The following SPATA4 variants were observed in gnomAD, a reference collection of about 807,000 sequenced individuals.
SPATA4 encodes the protein spermatogenesis-associated protein 4.
In SPATA4, 35 loss-of-function variants were observed where a neutral mutation model predicts 31.8. The observed-to-expected ratio is 1.10, with a 90% CI of 0.84 to 1.46. The LOEUF (loss-of-function observed/expected upper bound fraction) is 1.46, where lower values mean the gene tolerates loss of function less well. SPATA4 is among the 40% of genes most tolerant of loss of function. SPATA4 has a pLI of 0.00. For missense variants in SPATA4, 394 were observed against 363.1 expected (o/e 1.09, Z -0.69); for synonymous variants, 126 against 132.4 (o/e 0.95, Z 0.33).
intron 4 of SPATA4, among the ~76,000 whole-genome samples, chr4:176,190,528 C>T (rs1416853859): frequency 2.0e-5 from 3 of 152,198 alleles, no homozygotes; most frequent in Non-Finnish European, 4.4e-5. Context: ...GGCAGGGCTG[C>T]ATTCCTTTCT....
At chr4:176,185,639 TTACTC>T (rs1337116769) in intron 5 of SPATA4, among the ~76,000 whole-genome samples, 1 of 152,156 alleles carries the variant, frequency 6.6e-6, no homozygotes. Context: ...CCTGAACTAT[TTACTC>T]TACTCTCTTA....
chr4:176,185,265 G>C (rs188829575), intron 5 of SPATA4, among the ~76,000 whole-genome samples: 1 of 152,170 alleles, frequency 6.6e-6, no homozygotes, highest in Admixed American at 6.5e-5. Flanking sequence ...AGTTTATGGA[G>C]CTCTGATTAC....
chr4:176,189,190 AC>A (rs1752489962), intron 4 of SPATA4, among the ~76,000 whole-genome samples: 1 of 152,220 alleles, frequency 6.6e-6, no homozygotes, highest in Non-Finnish European at 1.5e-5. Flanking sequence ...ACTGGACAGA[AC>A]TGAAATGCTA....
chr4:176,188,032 T>A, intron 5 of SPATA4, 87 bp downstream of exon 5: 1 of 948,624 alleles, frequency 1.1e-6, no homozygotes, highest in Non-Finnish European at 1.7e-6. Flanking sequence ...ACCAACATTT[T>A]AACTATTTAA....
intron 1 of SPATA4, chr4:176,194,713 C>A (rs976229189): frequency 6.8e-6 from 1 of 148,068 alleles, no homozygotes; most frequent in African/African-American, 2.5e-5. Flanking sequence ...TAAACTGATC[C>A]TTACCAGTAT....
intron 5 of SPATA4, among the ~76,000 whole-genome samples, chr4:176,186,004 G>A (rs1752436017): frequency 6.6e-6 from 1 of 152,044 alleles, no homozygotes; most frequent in South Asian, 2.1e-4. Flanking sequence ...GTTATTTATG[G>A]CCACTTATAC....
At chr4:176,187,300 T>C (rs1219535168) in intron 5 of SPATA4, among the ~76,000 whole-genome samples, 1 of 152,074 alleles carries the variant, frequency 6.6e-6, no homozygotes, top group African/African-American at 2.4e-5. Context: ...ATAGCATTTT[T>C]ATGTGTCAGG....
chr4:176,195,288 G>T, intron 1 of SPATA4, 57 bp downstream of exon 1: 1 of 1,577,520 alleles, frequency 6.3e-7, no homozygotes, highest in Non-Finnish European at 8.7e-7. Flanking sequence ...CCTGGCAGGC[G>T]GCGGAAAGCA....
intron 1 of SPATA4, 52 bp from the exon 2 acceptor site, chr4:176,193,634 T>C (rs1752568656): frequency 6.7e-7 from 1 of 1,490,988 alleles, no homozygotes; most frequent in South Asian, 1.3e-5. Context: ...TTATGCAGTT[T>C]GTATTATTTT....
At position 176,193,560 on chromosome 4, in the gene SPATA4, T is replaced by C; in HGVS notation, c.241A>G (p.Ile81Val). 6.2e-7 allele frequency: 1 copy of C among 1,609,362 alleles called. No homozygotes were observed. The highest frequency in any genetic ancestry group is 2.2e-5 in the East Asian group (1 of 44,822). ...TAATATATACAGAATATTTCTGCAA[T>C]TAGGAAGCCATTTGAAAAATCTCTG... ...INRDFSNGFL[I>V]AEIFCIYYPW... The change falls in exon 2 of 6, where the codon ATT becomes GTT. Residue 81 changes from isoleucine (I) to valine (V), a missense_variant. Physicochemically the swap from Ile to Val is conservative, Grantham distance 29. Coordinates refer to ENST00000280191, the MANE Select transcript of SPATA4 (RefSeq NM_144644.4).
rs6832177 is a variant in SPATA4 at position 176,192,685 on chromosome 4, C to T, written c.630G>A (p.Ala210=). 0.35 allele frequency: 557,031 copies of T among 1,613,458 alleles called. 97,570 individuals carry two copies. Among genetic ancestry groups the T allele is most frequent in the Admixed American group, 0.36 (21,537 of 59,986 alleles). Reference sequence around the variant, plus strand: ...ACATATGTAAAAGGATGAGGAACTCCGCTTTAAGTTCATTGGTCAGCATGT... The same window carrying T: ...ACATATGTAAAAGGATGAGGAACTCTGCTTTAAGTTCATTGGTCAGCATGT... ...NPNMLTNELK[A]EFLILLHMLQ... Residue 210 remains alanine (A), a synonymous_variant, in exon 4 of 6, where the codon GCG becomes GCA. Coordinates refer to ENST00000280191, the MANE Select transcript of SPATA4 (RefSeq NM_144644.4).
chr4:176,191,210 T>C (rs1383150127), intron 4 of SPATA4, among the ~76,000 whole-genome samples: 5 of 151,810 alleles, frequency 3.3e-5, no homozygotes, highest in African/African-American at 9.7e-5. Context: ...ATTCTCCTGC[T>C]TCAGCCTCCC....
chr4:176,190,032 G>A (rs1046704707), intron 4 of SPATA4, among the ~76,000 whole-genome samples: 5 of 152,036 alleles, frequency 3.3e-5, no homozygotes, highest in South Asian at 4.2e-4. Flanking sequence ...TGCGTGCACC[G>A]GTAATTAGAA....
At chr4:176,185,388 A>T (rs1752425336) in intron 5 of SPATA4, among the ~76,000 whole-genome samples, 1 of 152,188 alleles carries the variant, frequency 6.6e-6, no homozygotes, top group South Asian at 2.1e-4. Context: ...TTGCTAGATA[A>T]CTAAATTTTG....
chr4:176,193,647 A>G (rs1325511902), intron 1 of SPATA4, 65 bp from the exon 2 acceptor site: 7 of 1,424,330 alleles, frequency 4.9e-6, no homozygotes, highest in African/African-American at 2.9e-5. Flanking sequence ...ATTATTTTAT[A>G]ATTAATACTA....
intron 1 of SPATA4, chr4:176,194,701 G>C (rs1376873571): frequency 2.0e-5 from 3 of 149,618 alleles, no homozygotes; most frequent in African/African-American, 7.4e-5. Context: ...TCCGACAAAG[G>C]GTAAACTGAT....
intron 5 of SPATA4, among the ~76,000 whole-genome samples, chr4:176,186,445 C>T (rs1351879383): frequency 6.6e-6 from 1 of 152,238 alleles, no homozygotes; most frequent in East Asian, 1.9e-4. Context: ...TCACCTCCCT[C>T]CCTGCTGGAA....
At chr4:176,191,875 T>C (rs938808392) in intron 4 of SPATA4, among the ~76,000 whole-genome samples, 4 of 152,046 alleles carry the variant, frequency 2.6e-5, no homozygotes, top group African/African-American at 7.2e-5. Flanking sequence ...AGAGAGAAAA[T>C]GGTTTTCTTC....
intron 4 of SPATA4, 31 bp from the exon 5 acceptor site, chr4:176,188,266 TA>T: frequency 7.1e-7 from 1 of 1,405,504 alleles, no homozygotes; most frequent in East Asian, 2.3e-5. Context: ...AGTTATTTCT[TA>T]AAAAGCCATA....
Sources: allele counts gnomAD v4.1 joint callset (sites outside exome capture counted in the v4.1 genomes callset), GRCh38; gene constraint gnomAD v4.1.1; transcripts MANE v1.5; gene names NCBI Gene and HGNC (gene_info 2026-07-23, HGNC 2026-07-21).